COL4A4: variants seen among roughly 807,000 people sequenced by gnomAD.
COL4A4 encodes the protein collagen alpha-4(IV) chain.
A neutral mutation model predicts 192.9 loss-of-function variants in COL4A4; 105 were observed. The observed-to-expected ratio is 0.54, with a 90% CI of 0.46 to 0.64. The LOEUF is 0.64. COL4A4 is among the 30% of genes least tolerant of loss of function. The probability of loss-of-function intolerance (pLI) is 0.00; values close to 1 mark genes in which losing one functional copy is unlikely to be tolerated. For synonymous variants in COL4A4, 762 were observed against 769.9 expected (o/e 0.99, Z 0.17); for missense variants, 1,967 against 2,169.3 (o/e 0.91, Z 1.85).
intron 25 of COL4A4, among the ~76,000 whole-genome samples, chr2:227,065,607 C>A (rs573146908): frequency 4.6e-4 from 70 of 152,288 alleles, no homozygotes; most frequent in African/African-American, 1.6e-3. Flanking sequence ...AGGCACCCCC[C>A]AGCAGGGGCA....
chr2:227,047,641 TATC>T (rs1448990852), intron 34 of COL4A4, 92 bp from the exon 35 acceptor site: 5 of 788,476 alleles, frequency 6.3e-6, no homozygotes, highest in Non-Finnish European at 6.6e-6. Context: ...TTGTATAGCT[TATC>T]TTCAGATATT....
intron 26 of COL4A4, among the ~76,000 whole-genome samples, chr2:227,060,971 C>A (rs181630190): frequency 1.3e-5 from 2 of 152,242 alleles, no homozygotes; most frequent in East Asian, 3.9e-4. Context: ...CGTGATCCAC[C>A]CACCTCGGCC....
intron 7 of COL4A4, 53 bp downstream of exon 7, chr2:227,118,592 C>T: frequency 7.5e-7 from 1 of 1,331,670 alleles, no homozygotes; most frequent in African/African-American, 1.4e-5. Context: ...CCTGTTCCAC[C>T]ACAGGGCCTG....
intron 4 of COL4A4, among the ~76,000 whole-genome samples, chr2:227,132,843 T>C (rs1031273480): frequency 6.6e-6 from 1 of 152,168 alleles, no homozygotes; most frequent in East Asian, 1.9e-4. Context: ...CAGCTGTTTG[T>C]GGATTTCTTG....
chr2:227,150,304 A>T (rs1487247156), intron 1 of COL4A4, among the ~76,000 whole-genome samples: 1 of 152,134 alleles, frequency 6.6e-6, no homozygotes, highest in Non-Finnish European at 1.5e-5. Context: ...TCTTACCATG[A>T]TTTAGTAAGG....
chr2:227,148,819 G>A (rs12694713), intron 1 of COL4A4, among the ~76,000 whole-genome samples: 69,926 of 150,986 alleles, frequency 0.46, 17,033 homozygotes, highest in African/African-American at 0.63. Context: ...GAAGGAAACC[G>A]GGAATGTTCA....
chr2:227,008,117 C>T lies in COL4A4; in HGVS notation c.4710G>A (p.Glu1570=). The change falls in exon 47 of 48, where the codon GAG becomes GAA. Residue 1570 remains glutamate, a synonymous_variant. Transcript: ENST00000396625. The part of the protein sequence containing the change: ...RPYVSRCAVC[E]APAQAVAVHS... Reference sequence around the variant, plus strand: ...GCACCGCCACCGCCTGGGCCGGGGCCTCGCATACCGCACAGCGGCTGACAT... The same window carrying T: ...GCACCGCCACCGCCTGGGCCGGGGCTTCGCATACCGCACAGCGGCTGACAT... 6.2e-7 allele frequency: 1 copy of T among 1,614,056 alleles called. No individual in the cohort carries two copies. Among genetic ancestry groups the T allele is most frequent in the Non-Finnish European group, 8.5e-7 (1 of 1,179,962 alleles).
chr2:227,112,039 C>T (rs1277379728), intron 8 of COL4A4, among the ~76,000 whole-genome samples: 1 of 152,130 alleles, frequency 6.6e-6, no homozygotes, highest in Non-Finnish European at 1.5e-5. Context: ...TGGTGTCTTT[C>T]CACACCTTGC....
Position 227,082,177 on chromosome 2 carries a change from C to G in COL4A4, c.1634G>C (p.Gly545Ala), listed in dbSNP as rs1800516. Reference protein sequence around the residue: ...EGPPGLPGKHGASGPPGNKGA... With the variant: ...EGPPGLPGKHAASGPPGNKGA... ...TTTGTTGCCAGGTGGTCCAGAGGCACCATGCTTTCCCTTGGTGAAAAATAA... is the reference window on the plus strand; with the variant it reads ...TTTGTTGCCAGGTGGTCCAGAGGCAGCATGCTTTCCCTTGGTGAAAAATAA... The change falls in exon 23 of 48, where the codon GGT becomes GCT. Residue 545 changes from glycine (G) to alanine (A), a missense_variant. Physicochemically the swap from Gly to Ala is moderately conservative, Grantham distance 60 (BLOSUM62 0). Transcript: ENST00000396625. The G allele has an allele frequency of 0.032, 51,297 of 1,613,770 alleles. 899 individuals carry two copies. The highest frequency in any genetic ancestry group is 0.082 in the Middle Eastern group (495 of 6,062).
Position 227,039,513 on chromosome 2 carries a change from T to C in COL4A4, c.3505+2635A>G, listed in dbSNP as rs557094596. Among the ~76,000 whole-genome samples the C allele has an allele frequency of 7.9e-5, 12 of 152,272 alleles. No individual in the cohort carries two copies. The East Asian group carries it at 2.3e-3, about 29-fold the overall frequency. On this transcript the variant is annotated intron_variant, in intron 37 of 47. Coordinates refer to ENST00000396625, the MANE Select transcript of COL4A4 (RefSeq NM_000092.5). The stretch of plus-strand genomic sequence containing the variant: ...AGCATGCCATACTGAAGTTATGTGA[T>C]AAATGCAAACAAATTCAAGGGAAAG...
intron 6 of COL4A4, 144 bp from the exon 7 acceptor site, chr2:227,118,905 G>A (rs374044553): frequency 7.7e-5 from 51 of 661,860 alleles, no homozygotes; most frequent in African/African-American, 7.1e-4. Flanking sequence ...TACCCCAAAA[G>A]GCTACGTAGC....
At position 227,022,035 on chromosome 2, in the gene COL4A4, A is replaced by C; in HGVS notation, c.4216+13T>G. The C allele has an allele frequency of 6.2e-7, 1 of 1,612,094 alleles. No homozygotes were observed. The highest frequency in any genetic ancestry group is 8.5e-7 in the Non-Finnish European group (1 of 1,178,978). On this transcript the variant is annotated intron_variant, in intron 44 of 47. Coordinates refer to ENST00000396625, the MANE Select transcript of COL4A4 (RefSeq NM_000092.5). ...ATCATGAAAATAATGAACAATCAGC[A>C]TGCGGCTCATACCTGGTCCTGAGGG...
rs779091786 is a variant in COL4A4, at chr2:227,007,041, T to A, written c.*284A>T. On this transcript the variant is annotated 3_prime_UTR_variant, in exon 48 of 48. Transcript: ENST00000396625. ...TCTGGCCTTTATCATCTACTTGCCT[T>A]TCTGAGAATTAGCATATTTTTAAGT... The A allele has an allele frequency of 8.5e-6, 4 of 469,438 alleles. No individual in the cohort carries two copies. The highest frequency in any genetic ancestry group is 1.6e-5 in the Non-Finnish European group (4 of 255,014). The allele number at this position is 469,438 out of a possible 1,614,324, so 29.1% of individuals were successfully genotyped here.
chr2:227,042,282 A>G lies in COL4A4; in HGVS notation c.3398-27T>C, dbSNP rs771858684. 10 of 1,291,482 alleles carry G rather than the reference A, an allele frequency of 7.7e-6. No individual in the cohort carries two copies. In the African/African-American group the frequency reaches 1.3e-4, roughly 17 times the overall value. 80.0% of individuals were successfully genotyped at this position (1,291,482 alleles called of 1,614,324 possible). A position where few individuals can be genotyped will look rare whatever the true frequency, so the allele number is the denominator to read the frequency against. On this transcript the variant is annotated intron_variant, in intron 36 of 47. Coordinates refer to ENST00000396625, the MANE Select transcript of COL4A4 (RefSeq NM_000092.5). The stretch of plus-strand genomic sequence containing the variant: ...TGAGGATGACAGGGAAGTTTTGCAG[A>G]TGGCCAGATAATAAATGAATTACAT...
chr2:227,113,896 A>G (rs1181440349), intron 8 of COL4A4, among the ~76,000 whole-genome samples: 1 of 152,168 alleles, frequency 6.6e-6, no homozygotes, highest in Non-Finnish European at 1.5e-5. Context: ...AGAAATGACC[A>G]CACATCTTGA....
chr2:227,041,684 AAGAC>A (rs1245557555), intron 37 of COL4A4, among the ~76,000 whole-genome samples: 23 of 141,908 alleles, frequency 1.6e-4, no homozygotes, highest in Non-Finnish European at 2.9e-4. Flanking sequence ...AAAAGAAAGA[AAGAC>A]AGAGAGAGAG....
Position 227,123,103 on chromosome 2 carries a change from G to A in COL4A4, c.193-1955C>T, listed in dbSNP as rs1168916191. Reference sequence around the variant, plus strand: ...TGGTCTCGAACTCCTGACCTCAGGTGATCCGCTTGCCTTCAGCTTCCCAAA... The same window carrying A: ...TGGTCTCGAACTCCTGACCTCAGGTAATCCGCTTGCCTTCAGCTTCCCAAA... On this transcript the variant is annotated intron_variant, in intron 4 of 47. Transcript: ENST00000396625. The surrounding 1 kb of genome is among the most constrained non-coding windows in gnomAD (Gnocchi z 4.6). Among the ~76,000 whole-genome samples, 6 of 152,114 alleles carry A rather than the reference G, an allele frequency of 3.9e-5. No homozygotes were observed. The highest frequency in any genetic ancestry group is 8.8e-5 in the Non-Finnish European group (6 of 68,016).
At chr2:227,070,263 T>G (rs28841070) in intron 25 of COL4A4, among the ~76,000 whole-genome samples, 22,945 of 151,494 alleles carry the variant, frequency 0.15, 2,094 homozygotes, top group African/African-American at 0.26. Flanking sequence ...ACTTTTACAC[T>G]GTTGGTGGGA....
chr2:226,980,984 C>G, the COL4A4 span, among the ~76,000 whole-genome samples: 2 of 152,146 alleles, frequency 1.3e-5, no homozygotes, highest in South Asian at 4.1e-4. Flanking sequence ...AATTCTAGTT[C>G]AGTTTGAGAC....
Sources: gnomAD v4.1 joint callset for allele counts (sites outside exome capture counted in the v4.1 genomes callset) on GRCh38, gnomAD v4.1.1 for gene constraint, Gnocchi (gnomAD v3.1) non-coding constraint, MANE v1.5 for transcripts, NCBI Gene and HGNC (gene_info 2026-07-23, HGNC 2026-07-21) for gene names.